LAMC1: variants seen among roughly 807,000 people sequenced by gnomAD.
LAMC1 encodes laminin subunit gamma-1.
In LAMC1, 38 loss-of-function variants were observed where a neutral mutation model predicts 173.6. That is an observed-to-expected ratio of 0.22 (90% CI 0.17 to 0.29). LAMC1 has a LOEUF of 0.29. Among genes scored for constraint, LAMC1 ranks in the 10% least tolerant of loss-of-function variants. The pLI, the probability that LAMC1 is intolerant of heterozygous loss-of-function variation, is 1.00. For synonymous variants in LAMC1, 746 were observed against 749.1 expected (o/e 1.00, Z 0.07); for missense variants, 1,824 against 2,051.8 (o/e 0.89, Z 2.14).
intron 1 of LAMC1, among the ~76,000 whole-genome samples, chr1:183,052,058 AT>A (rs753990716): frequency 6.6e-6 from 1 of 152,200 alleles, no homozygotes; most frequent in Non-Finnish European, 1.5e-5. Context: ...TGATAAAAAA[AT>A]CATTCCTTTT....
chr1:183,047,586 G>C (rs1654298056), intron 1 of LAMC1, among the ~76,000 whole-genome samples: 1 of 152,210 alleles, frequency 6.6e-6, no homozygotes, highest in South Asian at 2.1e-4. Flanking sequence ...TGTAAAATGT[G>C]ATAGATATGA....
At chr1:183,024,586 G>A (rs1303961437) in intron 1 of LAMC1, among the ~76,000 whole-genome samples, 2 of 152,220 alleles carry the variant, frequency 1.3e-5, no homozygotes, top group Non-Finnish European at 2.9e-5. Context: ...GGCTGAGGGT[G>A]ATTGCTCTGT....
At chr1:183,136,684 C>G in intron 25 of LAMC1, 99 bp downstream of exon 25, 1 of 1,017,834 alleles carries the variant, frequency 9.8e-7, no homozygotes, top group Non-Finnish European at 1.4e-6. Flanking sequence ...GATTTTTTTC[C>G]TGAACTTCAG....
Position 183,130,500 on chromosome 1 carries a change from A to G in LAMC1, c.3437A>G (p.Glu1146Gly). 1 of 1,614,232 alleles carries G rather than the reference A, an allele frequency of 6.2e-7. No homozygotes were observed. Reference protein sequence around the residue: ...AHVENTERLIEIASRELEKAK... With the variant: ...AHVENTERLIGIASRELEKAK... The stretch of plus-strand genomic sequence containing the variant: ...GTAGAGAACACAGAGCGGTTGATTG[A>G]AATCGCATCCAGAGAACTTGAGAAA... The change falls in exon 19 of 28, where the codon GAA (glutamate) becomes GGA (glycine). Residue 1146 changes from glutamate to glycine, a missense_variant. Glu to Gly is a moderately conservative substitution (Grantham distance 98). Transcript: ENST00000258341.
At chr1:183,067,919 G>A (rs1481343275) in intron 1 of LAMC1, among the ~76,000 whole-genome samples, 1 of 152,186 alleles carries the variant, frequency 6.6e-6, no homozygotes, top group Non-Finnish European at 1.5e-5. Context: ...CTTCACATGG[G>A]TGCTTCTGTA....
At chr1:183,129,412 A>G (rs1410335410) in intron 18 of LAMC1, among the ~76,000 whole-genome samples, 1 of 152,134 alleles carries the variant, frequency 6.6e-6, no homozygotes, top group African/African-American at 2.4e-5. Context: ...TTATCAAATA[A>G]TTGAGTAACC....
intron 14 of LAMC1, chr1:183,125,172 A>G: frequency 1.7e-6 from 1 of 598,850 alleles, no homozygotes; most frequent in Non-Finnish European, 2.9e-6. Context: ...TTAATGAAAT[A>G]TATGTTTTTT....
intron 1 of LAMC1, among the ~76,000 whole-genome samples, chr1:183,043,955 C>T (rs1654202813): frequency 6.6e-6 from 1 of 152,020 alleles, no homozygotes; most frequent in Non-Finnish European, 1.5e-5. Flanking sequence ...TGTCTGTGTC[C>T]TTCTTGTCTG....
chr1:183,045,869 T>C (rs1268389592), intron 1 of LAMC1, among the ~76,000 whole-genome samples: 6 of 152,068 alleles, frequency 3.9e-5, no homozygotes. Context: ...ATCTTAGTGG[T>C]TTTATTTATA....
At chr1:183,031,538 A>G (rs1653850373) in intron 1 of LAMC1, among the ~76,000 whole-genome samples, 1 of 152,180 alleles carries the variant, frequency 6.6e-6, no homozygotes, top group South Asian at 2.1e-4. Flanking sequence ...TCCCGACCTC[A>G]GGTGATCTGC....
chr1:183,127,201 GTAT>G (rs1207514923), intron 16 of LAMC1, 22 bp from the exon 17 acceptor site: 15 of 1,604,744 alleles, frequency 9.3e-6, no homozygotes, highest in Non-Finnish European at 1.3e-5. Context: ...TGCTAATTAT[GTAT>G]TATTTTCTCC....
intron 11 of LAMC1, among the ~76,000 whole-genome samples, chr1:183,120,422 C>G (rs1656439520): frequency 2.6e-5 from 4 of 152,134 alleles, no homozygotes. Context: ...CATGACCTAA[C>G]TAGGCAAGAT....
At chr1:183,133,636 C>T in intron 22 of LAMC1, 86 bp downstream of exon 22, 1 of 1,267,614 alleles carries the variant, frequency 7.9e-7, no homozygotes, top group South Asian at 1.8e-5. Flanking sequence ...CTCCCTCTGT[C>T]CTCCCACTGA....
At chr1:183,125,109 AT>A (rs1478064391) in intron 14 of LAMC1, 7 of 594,040 alleles carry the variant, frequency 1.2e-5, no homozygotes, top group African/African-American at 3.7e-5. Flanking sequence ...ATACTAATGT[AT>A]TTTATTTAAT....
At chr1:183,133,673 C>T in intron 22 of LAMC1, 123 bp downstream of exon 22, 2 of 975,856 alleles carry the variant, frequency 2.0e-6, no homozygotes, top group Non-Finnish European at 2.9e-6. Context: ...AGTCTTATTT[C>T]ACATACGCTA....
chr1:183,081,046 G>A (rs996077122), intron 1 of LAMC1, among the ~76,000 whole-genome samples: 1 of 151,836 alleles, frequency 6.6e-6, no homozygotes, highest in Admixed American at 6.6e-5. Context: ...CTGCCACCAC[G>A]CCCGGCTAAT....
intron 1 of LAMC1, among the ~76,000 whole-genome samples, chr1:183,052,576 C>G (rs1329394139): frequency 6.6e-6 from 1 of 152,146 alleles, no homozygotes; most frequent in African/African-American, 2.4e-5. Context: ...CTCAGGTAAT[C>G]CGCCTGCCTC....
Position 183,124,735 on chromosome 1 carries a change from C to A in LAMC1, c.2506C>A (p.Pro836Thr). 6.2e-7 allele frequency: 1 copy of A among 1,614,208 alleles called. No individual in the cohort carries two copies. Among genetic ancestry groups the A allele is most frequent in the Non-Finnish European group, 8.5e-7 (1 of 1,180,040 alleles). The change falls in exon 14 of 28, where the codon CCC becomes ACC. Residue 836 changes from proline to threonine, a missense_variant. Pro to Thr is a conservative substitution (Grantham distance 38, BLOSUM62 -1). Coordinates refer to ENST00000258341, the MANE Select transcript of LAMC1 (RefSeq NM_002293.4). ...GTGCCAGTGCAGTGACAACATCGAT[C>A]CCAATGCAGTTGGAAATTGCAATCG... ...RLCQCSDNID[P>T]NAVGNCNRLT...
chr1:183,143,849 G>T lies in LAMC1; in HGVS notation c.*1059G>T, dbSNP rs1371891275. On this transcript the variant is annotated 3_prime_UTR_variant, in exon 28 of 28. Coordinates refer to ENST00000258341, the MANE Select transcript of LAMC1 (RefSeq NM_002293.4). ...TATCCATTTGTTCTTCTGTTGGAGA[G>T]ATGAGACATTTGACCCTTAGCTCCA... is the stretch of plus-strand genomic sequence containing the variant. 6.6e-6 allele frequency: 1 copy of T among 152,182 alleles called. No homozygotes were observed. Among genetic ancestry groups the T allele is most frequent in the African/African-American group, 2.4e-5 (1 of 41,438 alleles). The allele number at this position is 152,182 out of a possible 1,614,324, so 9.4% of individuals were successfully genotyped here.
Sources: allele counts gnomAD v4.1 joint callset (sites outside exome capture counted in the v4.1 genomes callset), GRCh38; gene constraint gnomAD v4.1.1; transcripts MANE v1.5; gene names NCBI Gene and HGNC (gene_info 2026-07-23, HGNC 2026-07-21).